HMGCLL1: variants seen among roughly 807,000 people sequenced by gnomAD.
The protein encoded by HMGCLL1 is 3-hydroxy-3-methylglutaryl-CoA lyase like 1, also known as 3-hydroxymethyl-3-methylglutaryl-CoA lyase, cytoplasmic.
Under a neutral mutation model 39.1 loss-of-function variants are expected in HMGCLL1, and 36 were observed. The ratio of observed to expected loss-of-function variants is 0.92; its 90% CI spans 0.71 to 1.22. HMGCLL1 has a LOEUF of 1.22. Among genes scored for constraint, HMGCLL1 ranks in the 50% most tolerant of loss-of-function variants. The pLI is 0.00. For missense variants in HMGCLL1, 451 were observed against 416.5 expected (o/e 1.08, Z -0.72); for synonymous variants, 149 against 144.0 (o/e 1.03, Z -0.25).
intron 3 of HMGCLL1, among the ~76,000 whole-genome samples, chr6:55,535,331 A>G (rs750933860): frequency 6.6e-6 from 1 of 152,224 alleles, no homozygotes; most frequent in African/African-American, 2.4e-5. Context: ...AATTCAGGAG[A>G]AAAGACAAGA....
chr6:55,506,575 G>A (rs1479232553), intron 5 of HMGCLL1, among the ~76,000 whole-genome samples: 2 of 151,646 alleles, frequency 1.3e-5, no homozygotes, highest in African/African-American at 4.8e-5. Context: ...ATAACATGAT[G>A]AAATCTCATA....
the HMGCLL1 span, among the ~76,000 whole-genome samples, chr6:55,659,290 A>G: frequency 6.6e-6 from 1 of 151,928 alleles, no homozygotes. Context: ...TTGTTGGATG[A>G]ATAATTCAGT....
intron 7 of HMGCLL1, among the ~76,000 whole-genome samples, chr6:55,447,131 G>C (rs10948923): frequency 1.3e-5 from 2 of 151,586 alleles, no homozygotes; most frequent in African/African-American, 4.8e-5. Flanking sequence ...AGTATTACTC[G>C]TAGTTCAGTG....
the HMGCLL1 span, among the ~76,000 whole-genome samples, chr6:55,611,646 G>A: frequency 6.6e-6 from 1 of 152,098 alleles, no homozygotes; most frequent in Non-Finnish European, 1.5e-5. Context: ...CTGGATGCAA[G>A]GCAGGTTCAA....
chr6:55,575,633 T>G (rs1432982336), intron 1 of HMGCLL1, among the ~76,000 whole-genome samples: 1 of 152,150 alleles, frequency 6.6e-6, no homozygotes, highest in Non-Finnish European at 1.5e-5. Context: ...GGAGTCAGGT[T>G]TATTCATGAT....
the HMGCLL1 span, among the ~76,000 whole-genome samples, chr6:55,642,178 G>A: frequency 1.1e-4 from 15 of 142,012 alleles, no homozygotes; most frequent in East Asian, 4.1e-4. Flanking sequence ...TTGTTCTTGC[G>A]ATAGTTTACT....
chr6:55,502,298 GTTCTATCTGT>G (rs1231985532), intron 5 of HMGCLL1, among the ~76,000 whole-genome samples: 3 of 151,478 alleles, frequency 2.0e-5, no homozygotes, highest in African/African-American at 7.3e-5. Flanking sequence ...TTTCTCTACT[GTTCTATCTGT>G]TTCTATCTTA....
At chr6:55,533,626 T>C (rs923233117) in intron 3 of HMGCLL1, among the ~76,000 whole-genome samples, 1 of 151,754 alleles carries the variant, frequency 6.6e-6, no homozygotes, top group Non-Finnish European at 1.5e-5. Flanking sequence ...GTGGCTCACG[T>C]CTGTAATCCC....
At chr6:55,615,029 A>G in the HMGCLL1 span, among the ~76,000 whole-genome samples, 2 of 152,146 alleles carry the variant, frequency 1.3e-5, no homozygotes, top group Non-Finnish European at 2.9e-5. Flanking sequence ...GAATTAATTT[A>G]TAAATAGAAA....
chr6:55,636,851 T>C, the HMGCLL1 span, among the ~76,000 whole-genome samples: 1 of 152,178 alleles, frequency 6.6e-6, no homozygotes, highest in Non-Finnish European at 1.5e-5. Flanking sequence ...AGAGAGTTCC[T>C]GGTATCATTA....
chr6:55,677,372 A>G, the HMGCLL1 span, among the ~76,000 whole-genome samples: 1 of 152,158 alleles, frequency 6.6e-6, no homozygotes, highest in African/African-American at 2.4e-5. Context: ...TCAAAACAAA[A>G]CAGAAACAAC....
At position 55,477,628 on chromosome 6, in the gene HMGCLL1, A is replaced by T. The variant is rs1446874166; in HGVS notation, c.795+17791T>A. Among the ~76,000 whole-genome samples the T allele has an allele frequency of 2.8e-5, 4 of 145,178 alleles. 1 individual carries two copies. The highest frequency in any genetic ancestry group is 1.0e-4 in the African/African-American group (4 of 38,200). On this transcript the variant is annotated intron_variant, in intron 7 of 8. Transcript: ENST00000274901. ...ATGTCTTTTAATGGGGGAATAGATA[A>T]GTAAATATATGAGTTACAGTTTATA...
At chr6:55,441,741 A>C (rs1312132809) in intron 7 of HMGCLL1, among the ~76,000 whole-genome samples, 1 of 151,938 alleles carries the variant, frequency 6.6e-6, no homozygotes, top group East Asian at 1.9e-4. Context: ...GCCAGGCTGG[A>C]GTGCAGTGGT....
At chr6:55,600,249 A>C in the HMGCLL1 span, among the ~76,000 whole-genome samples, 1 of 152,150 alleles carries the variant, frequency 6.6e-6, no homozygotes, top group Non-Finnish European at 1.5e-5. Context: ...CTTTAGCAAA[A>C]TAATTATGCA....
At chr6:55,650,484 CTGTT>C in the HMGCLL1 span, among the ~76,000 whole-genome samples, 1 of 151,790 alleles carries the variant, frequency 6.6e-6, no homozygotes, top group Non-Finnish European at 1.5e-5. Flanking sequence ...CTCTCTCTCT[CTGTT>C]TGTGCTGAGC....
chr6:55,595,497 T>G, the HMGCLL1 span, among the ~76,000 whole-genome samples: 1 of 152,192 alleles, frequency 6.6e-6, no homozygotes, highest in Non-Finnish European at 1.5e-5. Context: ...ACTTTGTTCT[T>G]CACAGGATTT....
intron 7 of HMGCLL1, among the ~76,000 whole-genome samples, chr6:55,458,348 C>A (rs1292627917): frequency 6.6e-6 from 1 of 152,024 alleles, no homozygotes; most frequent in Non-Finnish European, 1.5e-5. Context: ...ACTTCTAAAG[C>A]CTAAACAAGA....
At chr6:55,614,574 A>G in the HMGCLL1 span, among the ~76,000 whole-genome samples, 2 of 152,198 alleles carry the variant, frequency 1.3e-5, no homozygotes, top group South Asian at 4.1e-4. Flanking sequence ...TCACATGCAC[A>G]TAAATAATTT....
At chr6:55,650,940 G>A in the HMGCLL1 span, among the ~76,000 whole-genome samples, 8 of 152,060 alleles carry the variant, frequency 5.3e-5, no homozygotes, top group African/African-American at 1.4e-4. Context: ...AAGGGAAGTA[G>A]GCTCCCAACT....
Sources: gnomAD v4.1 joint callset for allele counts (sites outside exome capture counted in the v4.1 genomes callset) on GRCh38, gnomAD v4.1.1 for gene constraint, MANE v1.5 for transcripts, NCBI Gene and HGNC (gene_info 2026-07-23, HGNC 2026-07-21) for gene names.